The following KIFAP3 variants were observed in gnomAD, a reference collection of about 807,000 sequenced individuals.
The protein encoded by KIFAP3 is kinesin associated protein 3.
KIFAP3 carries 68 observed loss-of-function variants against 106.5 expected under a neutral mutation model. That is an observed-to-expected ratio of 0.64 (90% CI 0.53 to 0.78). The LOEUF is 0.78. KIFAP3 is among the 30% of genes least tolerant of loss of function. KIFAP3 has a pLI of 0.00. For synonymous variants in KIFAP3, 320 were observed against 311.5 expected (o/e 1.03, Z -0.29); for missense variants, 780 against 941.8 (o/e 0.83, Z 2.25).
At chr1:170,005,628 G>A (rs545212939) in intron 10 of KIFAP3, among the ~76,000 whole-genome samples, 6 of 146,916 alleles carry the variant, frequency 4.1e-5, no homozygotes, top group African/African-American at 1.3e-4. Context: ...AAGACTGCAT[G>A]TTCTCACTCA....
At chr1:170,068,196 TTCTCAC>T (rs1455762379) in intron 1 of KIFAP3, 1 of 152,054 alleles carries the variant, frequency 6.6e-6, no homozygotes, top group African/African-American at 2.4e-5. Context: ...CTCATTCTCA[TTCTCAC>T]AATAAAAAAA....
chr1:170,076,075 A>G (rs1207782464), upstream of KIFAP3, among the ~76,000 whole-genome samples: 1 of 152,256 alleles, frequency 6.6e-6, no homozygotes, highest in African/African-American at 2.4e-5. Context: ...CATAGATAAT[A>G]TAACAAGGAT....
chr1:169,969,087 CAAGCAA>C (rs1665776033), intron 17 of KIFAP3, among the ~76,000 whole-genome samples: 1 of 151,946 alleles, frequency 6.6e-6, no homozygotes, highest in Non-Finnish European at 1.5e-5. Flanking sequence ...GACTGCAAAA[CAAGCAA>C]GAACCAGTTC....
At chr1:169,960,562 A>G (rs914348304) in intron 18 of KIFAP3, among the ~76,000 whole-genome samples, 12 of 152,166 alleles carry the variant, frequency 7.9e-5, no homozygotes, top group Non-Finnish European at 1.8e-4. Context: ...GAAAGAATAA[A>G]CAATTACTCT....
intron 8 of KIFAP3, among the ~76,000 whole-genome samples, chr1:170,030,719 A>G (rs1557849893): frequency 6.6e-6 from 1 of 151,836 alleles, no homozygotes; most frequent in Admixed American, 6.6e-5. Flanking sequence ...CATTTATATA[A>G]AACTCTAGAA....
At chr1:170,072,554 T>G (rs1392873223) in intron 1 of KIFAP3, among the ~76,000 whole-genome samples, 1 of 152,126 alleles carries the variant, frequency 6.6e-6, no homozygotes, top group Non-Finnish European at 1.5e-5. Context: ...GAAGGGCATG[T>G]AAGAATCAAA....
At chr1:170,076,809 G>T (rs773254548), upstream of KIFAP3, among the ~76,000 whole-genome samples, 58 of 152,178 alleles carry the variant, frequency 3.8e-4, no homozygotes, top group Non-Finnish European at 1.2e-4. Context: ...ATAATTTAAA[G>T]TGAGGCAAAG....
intron 2 of KIFAP3, 112 bp downstream of exon 2, chr1:170,055,193 G>T (rs188911661): frequency 2.1e-5 from 18 of 857,150 alleles, no homozygotes; most frequent in Non-Finnish European, 2.9e-5. Flanking sequence ...GATGAAGTAT[G>T]CCTGGAAGAA....
chr1:169,995,033 G>A (rs1667300586), intron 10 of KIFAP3, among the ~76,000 whole-genome samples: 1 of 152,054 alleles, frequency 6.6e-6, no homozygotes, highest in Non-Finnish European at 1.5e-5. Context: ...CCAAGTAAGA[G>A]AAAAGTGCAG....
At chr1:170,032,096 T>TAAA in intron 7 of KIFAP3, 112 bp from the exon 8 acceptor site, 2 of 639,390 alleles carry the variant, frequency 3.1e-6, no homozygotes, top group South Asian at 4.2e-5. Flanking sequence ...TCCAGTTATT[T>TAAA]TTCTCACCAA....
intron 10 of KIFAP3, among the ~76,000 whole-genome samples, chr1:170,001,544 A>G (rs957068514): frequency 2.0e-5 from 3 of 152,138 alleles, no homozygotes; most frequent in Admixed American, 6.5e-5. Flanking sequence ...TCTGACCCCT[A>G]TTGTTTGCTC....
At chr1:170,039,669 G>T (rs1229482733) in intron 3 of KIFAP3, among the ~76,000 whole-genome samples, 2 of 151,720 alleles carry the variant, frequency 1.3e-5, no homozygotes, top group East Asian at 3.9e-4. Context: ...AAAAAAGTAC[G>T]ACTTGAGTAA....
chr1:169,971,926 C>A (rs1050138043), intron 17 of KIFAP3, among the ~76,000 whole-genome samples: 12 of 151,868 alleles, frequency 7.9e-5, no homozygotes, highest in Admixed American at 2.0e-4. Context: ...CTGTGGTAGG[C>A]AGCAAAATTA....
upstream of KIFAP3, among the ~76,000 whole-genome samples, chr1:170,079,013 C>T (rs1451799436): frequency 6.6e-6 from 1 of 152,152 alleles, no homozygotes; most frequent in African/African-American, 2.4e-5. Flanking sequence ...AATTAATTTG[C>T]CATATTGCTA....
intron 7 of KIFAP3, among the ~76,000 whole-genome samples, chr1:170,033,040 T>C (rs561387179): frequency 3.7e-4 from 56 of 151,832 alleles, no homozygotes; most frequent in African/African-American, 1.3e-3. Flanking sequence ...TAAATAAATT[T>C]TGGGTACCAC....
At chr1:169,989,168 C>A (rs1488072708) in intron 11 of KIFAP3, among the ~76,000 whole-genome samples, 1 of 151,904 alleles carries the variant, frequency 6.6e-6, no homozygotes, top group Non-Finnish European at 1.5e-5. Context: ...GCAATAATAA[C>A]AGTATCTAAA....
chr1:169,995,115 A>T (rs994957006), intron 10 of KIFAP3, among the ~76,000 whole-genome samples: 1 of 152,104 alleles, frequency 6.6e-6, no homozygotes. Flanking sequence ...AAGATTTATC[A>T]ATTTTAATGT....
chr1:169,973,463 T>A (rs567986148), intron 16 of KIFAP3, among the ~76,000 whole-genome samples: 1 of 148,548 alleles, frequency 6.7e-6, no homozygotes, highest in East Asian at 2.0e-4. Context: ...AAGGTGCACA[T>A]TTGCATACTT....
chr1:170,062,854 C>T (rs1225573980), intron 1 of KIFAP3, among the ~76,000 whole-genome samples: 2 of 151,938 alleles, frequency 1.3e-5, no homozygotes, highest in African/African-American at 4.8e-5. Context: ...GACCCTACTG[C>T]TTAGAAATAA....
Sources: gnomAD v4.1 joint callset for allele counts (sites outside exome capture counted in the v4.1 genomes callset) on GRCh38, gnomAD v4.1.1 for gene constraint, MANE v1.5 for transcripts, NCBI Gene and HGNC (gene_info 2026-07-23, HGNC 2026-07-21) for gene names.